The following CYP2S1 variants were observed in gnomAD, a reference collection of about 807,000 sequenced individuals.
CYP2S1 encodes cytochrome P450 2S1.
Under a neutral mutation model 43.5 loss-of-function variants are expected in CYP2S1, and 32 were observed. The ratio of observed to expected loss-of-function variants is 0.74; its 90% confidence interval spans 0.56 to 0.99. The LOEUF is 0.99. Ranked by LOEUF, CYP2S1 falls within the 50% of genes least tolerant of loss-of-function variation. CYP2S1 has a pLI of 0.00. For missense variants in CYP2S1, 575 were observed against 673.9 expected, an observed-to-expected ratio of 0.85 and a Z score of 1.62; for synonymous variants, 283 against 302.9, an observed-to-expected ratio of 0.93 and a Z score of 0.68.
Position 41,198,829 on chromosome 19 carries a change from C to T in CYP2S1, c.775C>T (p.Leu259=), listed in dbSNP as rs551233231. ...GCAGGTGCAGCAGCACCAGGGGAAC[C>T]TGGATGCTTCGGGCCCCGCACGTGA... The part of the protein sequence containing the change: ...VRQVQQHQGN[L]DASGPARDLV... Residue 259 remains leucine, a synonymous_variant, in exon 5 of 9, where the codon CTG becomes TTG. Transcript: ENST00000310054. This position sits in a 1 kb window ranked among gnomAD's most constrained non-coding sequence, Gnocchi z 4.9. 1 of 1,614,170 alleles carries T rather than the reference C, an allele frequency of 6.2e-7. No individual in the cohort carries two copies. Among genetic ancestry groups the T allele is most frequent in the Non-Finnish European group, 8.5e-7 (1 of 1,180,028 alleles).
chr19:41,199,485 A>G lies in CYP2S1; in HGVS notation c.834+597A>G, dbSNP rs369070668. Among the ~76,000 whole-genome samples, 3 of 152,014 alleles carry G rather than the reference A, an allele frequency of 2.0e-5. No individual in the cohort carries two copies. The East Asian group carries it at 5.8e-4, about 30-fold the overall frequency. On this transcript the variant is annotated intron_variant, in intron 5 of 8. Coordinates refer to ENST00000310054, the MANE Select transcript of CYP2S1 (RefSeq NM_030622.8). The stretch of plus-strand genomic sequence containing the variant: ...AACCTTGAACTCCTGGGCTCAAGCA[A>G]TCCTCCTGCCTCGGGCTCCTGAGTA...
chr19:41,206,142 A>G (rs1318691034), intron 8 of CYP2S1, 43 bp downstream of exon 8: 1 of 1,609,682 alleles, frequency 6.2e-7, no homozygotes, highest in Non-Finnish European at 8.5e-7. Flanking sequence ...GTGCTGGCGA[A>G]CTCCAGGCAT....
Position 41,194,610 on chromosome 19 carries a change from G to C in CYP2S1, c.244G>C (p.Val82Leu). 1 of 1,611,928 alleles carries C rather than the reference G, an allele frequency of 6.2e-7. No homozygotes were observed. The highest frequency in any genetic ancestry group is 8.5e-7 in the Non-Finnish European group (1 of 1,179,146). Reference sequence around the variant, plus strand: ...ACCCTGGCGGCCTGTGGTGGTCCTGGTTGGGCAGGAGGCTGTGCGGGAGGC... The same window carrying C: ...ACCCTGGCGGCCTGTGGTGGTCCTGCTTGGGCAGGAGGCTGTGCGGGAGGC... ...LGPWRPVVVLVGQEAVREALG... is the reference protein window; with the variant it reads ...LGPWRPVVVLLGQEAVREALG... Residue 82 changes from valine to leucine, a missense_variant, in exon 2 of 9, where the codon GTT becomes CTT. Transcript: ENST00000310054.
At position 41,201,377 on chromosome 19, in the gene CYP2S1, G is replaced by C. The variant is rs1260016964; in HGVS notation, c.976+5G>C. ...TGAAATACCCTCATGTCCAAAGTAA[G>C]AGCCTTTTCCACTTGCCAGGCCTTG... On this transcript the variant is annotated splice_donor_5th_base_variant and intron_variant, in intron 6 of 8. Coordinates refer to ENST00000310054, the MANE Select transcript of CYP2S1 (RefSeq NM_030622.8). 2 of 1,613,158 alleles carry C rather than the reference G, an allele frequency of 1.2e-6. No individual in the cohort carries two copies. Among genetic ancestry groups the C allele is most frequent in the Non-Finnish European group, 1.7e-6 (2 of 1,179,610 alleles).
intron 3 of CYP2S1, 25 bp downstream of exon 3, chr19:41,197,953 G>A: frequency 9.4e-6 from 15 of 1,592,654 alleles, no homozygotes; most frequent in Non-Finnish European, 1.3e-5. Flanking sequence ...GTCACCCCAG[G>A]GTCTCCAGCC....
intron 7 of CYP2S1, among the ~76,000 whole-genome samples, chr19:41,205,368 TTC>T (rs2033554902): frequency 1.4e-5 from 1 of 70,918 alleles, no homozygotes; most frequent in African/African-American, 1.7e-4. Flanking sequence ...CTTTCTTTCT[TTC>T]TTTCTTTCTT....
Position 41,207,474 on chromosome 19 carries a change from T to G in CYP2S1, c.*986T>G, listed in dbSNP as rs569359795. The G allele has an allele frequency of 1.3e-5, 2 of 154,132 alleles. No individual in the cohort carries two copies. The highest frequency in any genetic ancestry group is 1.3e-4 in the Admixed American group (2 of 15,540). 9.5% of individuals were successfully genotyped at this position (154,132 alleles called of 1,614,324 possible). A position where few individuals can be genotyped will look rare whatever the true frequency, so the allele number is the denominator to read the frequency against. ...TCACCCTGTCAGGGAGTGAGCCGGATCTGACGTTCCTTGTGACTTAAGGGT... is the reference window on the plus strand; with the variant it reads ...TCACCCTGTCAGGGAGTGAGCCGGAGCTGACGTTCCTTGTGACTTAAGGGT... On this transcript the variant is annotated 3_prime_UTR_variant, in exon 9 of 9. Transcript: ENST00000310054.
In CYP2S1 at chr19:41,198,927, G is replaced by A. The variant is rs338592; in HGVS notation, c.834+39G>A. On this transcript the variant is annotated intron_variant, in intron 5 of 8. Transcript: ENST00000310054. This position sits in a 1 kb window ranked among gnomAD's most constrained non-coding sequence, Gnocchi z 4.9. ...GCAGGGACCCCCTCTCTGAATGGGC[G>A]TGGTGACCTGGCAGGTCCCCAGCCA... The A allele has an allele frequency of 1.7e-5, 27 of 1,572,708 alleles. No individual in the cohort carries two copies. Among genetic ancestry groups the A allele is most frequent in the East Asian group, 1.4e-4 (6 of 44,238 alleles).
At chr19:41,193,514 G>A in intron 1 of CYP2S1, 73 bp downstream of exon 1, 1 of 1,383,596 alleles carries the variant, frequency 7.2e-7, no homozygotes, top group Non-Finnish European at 9.4e-7. Context: ...GCCAGGGTGA[G>A]GGGCTTTTCG....
At position 41,207,126 on chromosome 19, in the gene CYP2S1, G is replaced by A. The variant is rs1028423217; in HGVS notation, c.*638G>A. 6.6e-6 allele frequency: 2 copies of A among 301,156 alleles called. No individual in the cohort carries two copies. The highest frequency in any genetic ancestry group is 3.1e-5 in the South Asian group (1 of 32,006). The allele number at this position is 301,156 out of a possible 1,614,324, so 18.7% of individuals were successfully genotyped here. ...CCAGAGTATCTTCCCACTGAGACAC[G>A]CCGCCCCCACAGAGGCACAGTCCCC... is the stretch of plus-strand genomic sequence containing the variant. On this transcript the variant is annotated 3_prime_UTR_variant, in exon 9 of 9. Coordinates refer to ENST00000310054, the MANE Select transcript of CYP2S1 (RefSeq NM_030622.8).
Position 41,203,534 on chromosome 19 carries a change from A to G in CYP2S1, c.1061A>G (p.Asp354Gly). ...GACCGTACCCGCCTCCCTTACACCG[A>G]CGCGGTTCTGCATGAGGCGCAGCGG... is the stretch of plus-strand genomic sequence containing the variant. ...LGDRTRLPYTDAVLHEAQRLL... is the reference protein window; with the variant it reads ...LGDRTRLPYTGAVLHEAQRLL... The change falls in exon 7 of 9, where the codon GAC (aspartate) becomes GGC (glycine). Residue 354 changes from aspartate to glycine, a missense_variant. Asp to Gly is a moderately conservative substitution (Grantham distance 94). This residue lies in a region of CYP2S1 where 222 missense variants were observed against 306.3 expected (regional missense o/e 0.72). Transcript: ENST00000310054. 2 of 1,599,998 alleles carry G rather than the reference A, an allele frequency of 1.3e-6. No homozygotes were observed. The highest frequency in any genetic ancestry group is 1.7e-6 in the Non-Finnish European group (2 of 1,173,578).
chr19:41,201,477 G>A (rs980164502), intron 6 of CYP2S1, 105 bp downstream of exon 6: 17 of 1,466,438 alleles, frequency 1.2e-5, no homozygotes, highest in East Asian at 2.3e-5. Flanking sequence ...AGGCTGAGGC[G>A]GGCTGATCAC....
intron 5 of CYP2S1, among the ~76,000 whole-genome samples, chr19:41,199,740 G>A (rs1017040141): frequency 2.2e-4 from 34 of 152,024 alleles, no homozygotes; most frequent in African/African-American, 7.7e-4. Flanking sequence ...CGAGACGGGC[G>A]GATCACCTGA....
chr19:41,203,334 C>A, intron 6 of CYP2S1, 116 bp from the exon 7 acceptor site: 1 of 1,191,372 alleles, frequency 8.4e-7, no homozygotes. Context: ...TGGGGGACCA[C>A]TCCTCCCCAC....
chr19:41,206,516 C>T lies in CYP2S1; in HGVS notation c.*28C>T. 6.2e-7 allele frequency: 1 copy of T among 1,613,284 alleles called. No homozygotes were observed. ...GAAGGCAACTTGGAAGTGGTGGGTG[C>T]CCAGGACGGTGCCTCCAGCCTCAAC... On this transcript the variant is annotated 3_prime_UTR_variant, in exon 9 of 9. Transcript: ENST00000310054.
chr19:41,193,457 G>A lies in CYP2S1; in HGVS notation c.177+16G>A, dbSNP rs1317598162. 7.0e-7 allele frequency: 1 copy of A among 1,426,012 alleles called. No individual in the cohort carries two copies. Among genetic ancestry groups the A allele is most frequent in the East Asian group, 2.8e-5 (1 of 35,434 alleles). The allele number at this position is 1,426,012 out of a possible 1,614,324, so 88.3% of individuals were successfully genotyped here. A position where few individuals can be genotyped will look rare whatever the true frequency, so the allele number is the denominator to read the frequency against. On this transcript the variant is annotated intron_variant, in intron 1 of 8. Transcript: ENST00000310054. ...GCTCATGCGGGTAAGGGGCTCTGGG[G>A]ACGTCCTGGCTAGGGGTGGGAGGAT...
chr19:41,194,222 GGGCA>G (rs2033380077), intron 1 of CYP2S1, among the ~76,000 whole-genome samples: 1 of 152,080 alleles, frequency 6.6e-6, no homozygotes, highest in African/African-American at 2.4e-5. Context: ...GATATTTGGG[GGGCA>G]GGGAGGGCCC....
intron 5 of CYP2S1, among the ~76,000 whole-genome samples, chr19:41,199,148 T>A (rs904578691): frequency 6.6e-6 from 1 of 152,008 alleles, no homozygotes. Context: ...CCAGCATCTC[T>A]CCTCTTTCTC....
intron 7 of CYP2S1, among the ~76,000 whole-genome samples, chr19:41,204,865 G>A (rs2122168257): frequency 6.6e-6 from 1 of 152,104 alleles, no homozygotes; most frequent in Admixed American, 6.6e-5. Context: ...TAAAGTGCTG[G>A]GATTACAGGC....
Sources: allele counts gnomAD v4.1 joint callset (sites outside exome capture counted in the v4.1 genomes callset), GRCh38; gene constraint gnomAD v4.1.1; regional missense constraint gnomAD v4.1.1; non-coding constraint Gnocchi (gnomAD v3.1); transcripts MANE v1.5; gene names NCBI Gene and HGNC (gene_info 2026-07-23, HGNC 2026-07-21).